Variants in CTNNA3 observed in about 807,000 individuals in gnomAD.
CTNNA3 encodes the protein catenin alpha 3.
CTNNA3 carries 76 observed loss-of-function variants against 95.7 expected under a neutral mutation model. The observed-to-expected ratio is 0.79, with a 90% CI of 0.66 to 0.96. The LOEUF is 0.96. Ranked by LOEUF, CTNNA3 falls within the 40% of genes least tolerant of loss-of-function variation. The pLI is 0.00. For synonymous variants in CTNNA3, 431 were observed against 374.4 expected, an observed-to-expected ratio of 1.15 and a Z score of -1.74; for missense variants, 1,191 against 1,089.8, an observed-to-expected ratio of 1.09 and a Z score of -1.31.
chr10:67,547,214 C>T (rs1589411702), intron 3 of CTNNA3, among the ~76,000 whole-genome samples: 1 of 152,030 alleles, frequency 6.6e-6, no homozygotes, highest in Non-Finnish European at 1.5e-5. Flanking sequence ...GCACCTCCCC[C>T]CCAAAAAATA....
intron 13 of CTNNA3, among the ~76,000 whole-genome samples, chr10:66,242,896 G>A (rs908602407): frequency 1.3e-5 from 2 of 152,242 alleles, no homozygotes; most frequent in Admixed American, 6.5e-5. Flanking sequence ...TTTAATAGAA[G>A]AATGGATAAA....
At chr10:66,095,425 T>C (rs558738193) in intron 14 of CTNNA3, among the ~76,000 whole-genome samples, 173 of 152,244 alleles carry the variant, frequency 1.1e-3, no homozygotes, top group African/African-American at 3.7e-3. Context: ...CTATATTGAT[T>C]AAAACTGTTT....
intron 7 of CTNNA3, among the ~76,000 whole-genome samples, chr10:66,845,840 G>C (rs1469408672): frequency 6.9e-6 from 1 of 145,940 alleles, no homozygotes. Context: ...CCTTAGGAAA[G>C]GAAATCCTGG....
intron 15 of CTNNA3, among the ~76,000 whole-genome samples, chr10:66,054,342 C>T (rs1482854826): frequency 6.6e-6 from 1 of 152,084 alleles, no homozygotes; most frequent in African/African-American, 2.4e-5. Context: ...GTATTCACGC[C>T]AATAGTGTAC....
chr10:67,413,466 A>G (rs1280151222), intron 5 of CTNNA3, among the ~76,000 whole-genome samples: 2 of 152,136 alleles, frequency 1.3e-5, no homozygotes, highest in Non-Finnish European at 2.9e-5. Context: ...TTGGCCTAGG[A>G]AAACACTTAA....
chr10:66,995,806 C>G (rs1175429199), intron 7 of CTNNA3, among the ~76,000 whole-genome samples: 1 of 152,170 alleles, frequency 6.6e-6, no homozygotes, highest in Non-Finnish European at 1.5e-5. Context: ...AGGTCTAATA[C>G]AAGCATTACT....
At chr10:67,562,743 T>C (rs1400828858) in intron 3 of CTNNA3, among the ~76,000 whole-genome samples, 1 of 152,152 alleles carries the variant, frequency 6.6e-6, no homozygotes, top group Non-Finnish European at 1.5e-5. Flanking sequence ...GAAAACCCCA[T>C]CATCTCAGCC....
chr10:67,530,014 G>A lies in CTNNA3; in HGVS notation c.460-8053C>T, dbSNP rs1378889893. The stretch of plus-strand genomic sequence containing the variant: ...TACACAAGCTCTCTCTTTGCCTGCC[G>A]CCATCCACATCAGATGTGACTTGCT... On this transcript the variant is annotated intron_variant, in intron 4 of 17. Coordinates refer to ENST00000433211, the MANE Select transcript of CTNNA3 (RefSeq NM_013266.4). 3.9e-5 allele frequency among the ~76,000 whole-genome samples: 6 copies of A among 152,120 alleles called. No homozygotes were observed. The East Asian group carries it at 5.8e-4, about 15-fold the overall frequency.
chr10:67,726,493 CAATATAT>C (rs1205134242), intron 1 of CTNNA3, among the ~76,000 whole-genome samples: 7 of 44,352 alleles, frequency 1.6e-4, no homozygotes, highest in Non-Finnish European at 2.1e-4. Flanking sequence ...ATATCATATA[CAATATAT>C]AATATATTAT....
At position 66,818,593 on chromosome 10, in the gene CTNNA3, C is replaced by T. The variant is rs146281914; in HGVS notation, c.1048-43069G>A. ...TGCCTACAAAACATCACTGAAATAA[C>T]CTGAAGAAGTTTTAAATAAATGGAA... On this transcript the variant is annotated intron_variant, in intron 7 of 17. Transcript: ENST00000433211. Among the ~76,000 whole-genome samples, 22 of 152,048 alleles carry T rather than the reference C, an allele frequency of 1.4e-4. No homozygotes were observed. In the East Asian group the frequency reaches 4.3e-3, roughly 29 times the overall value.
At chr10:67,705,641 G>C (rs1589576860) in intron 1 of CTNNA3, among the ~76,000 whole-genome samples, 1 of 110,002 alleles carries the variant, frequency 9.1e-6, no homozygotes, top group African/African-American at 3.4e-5. Context: ...GGTGGGGGGA[G>C]GGGGGAGGGA....
At chr10:67,598,147 A>G (rs1185366953) in intron 3 of CTNNA3, among the ~76,000 whole-genome samples, 6 of 152,076 alleles carry the variant, frequency 3.9e-5, no homozygotes, top group Non-Finnish European at 8.8e-5. Flanking sequence ...GAGTATGGCA[A>G]GCCTTGGGGG....
At chr10:66,779,950 T>C (rs944560240) in intron 7 of CTNNA3, among the ~76,000 whole-genome samples, 4 of 152,006 alleles carry the variant, frequency 2.6e-5, no homozygotes, top group African/African-American at 9.7e-5. Context: ...AACACATGGA[T>C]TGATGAGAGC....
At chr10:67,534,096 A>C (rs1252201598) in intron 4 of CTNNA3, among the ~76,000 whole-genome samples, 1 of 152,016 alleles carries the variant, frequency 6.6e-6, no homozygotes, top group Non-Finnish European at 1.5e-5. Flanking sequence ...TGAAATAGTA[A>C]AGACAAGGAG....
chr10:66,075,457 G>T (rs2080532190), intron 14 of CTNNA3, among the ~76,000 whole-genome samples: 1 of 151,624 alleles, frequency 6.6e-6, no homozygotes, highest in Admixed American at 6.6e-5. Flanking sequence ...ATAAACAATT[G>T]TACCTGGAAT....
At chr10:67,148,401 G>A (rs1860937102) in intron 7 of CTNNA3, among the ~76,000 whole-genome samples, 2 of 152,214 alleles carry the variant, frequency 1.3e-5, no homozygotes, top group South Asian at 2.1e-4. Flanking sequence ...TCTGTCACCA[G>A]TGTCTCGTAG....
At chr10:67,001,765 T>C (rs1851703162) in intron 7 of CTNNA3, among the ~76,000 whole-genome samples, 1 of 152,158 alleles carries the variant, frequency 6.6e-6, no homozygotes, top group African/African-American at 2.4e-5. Context: ...ACACTCACAC[T>C]ATCTCAAAGC....
chr10:67,761,596 G>A (rs556783456), intron 1 of CTNNA3, among the ~76,000 whole-genome samples: 1 of 152,130 alleles, frequency 6.6e-6, no homozygotes, highest in Admixed American at 6.5e-5. Flanking sequence ...ACAGAAACAC[G>A]AGCCGGGCGC....
intron 7 of CTNNA3, among the ~76,000 whole-genome samples, chr10:66,852,911 A>T (rs1589334510): frequency 6.6e-6 from 1 of 152,146 alleles, no homozygotes; most frequent in African/African-American, 2.4e-5. Flanking sequence ...AAAATTCACC[A>T]CTAGTCATAA....
Sources: allele counts gnomAD v4.1 joint callset (sites outside exome capture counted in the v4.1 genomes callset), GRCh38; gene constraint gnomAD v4.1.1; transcripts MANE v1.5; gene names NCBI Gene and HGNC (gene_info 2026-07-23, HGNC 2026-07-21).